Variants in SGSM1 observed in about 807,000 individuals in gnomAD.
SGSM1 encodes small G protein signaling modulator 1.
SGSM1 carries 73 observed loss-of-function variants against 133.8 expected under a neutral mutation model. The observed-to-expected ratio is 0.55, with a 90% CI of 0.45 to 0.66. The LOEUF (loss-of-function observed/expected upper bound fraction) is 0.66, where lower values mean the gene tolerates loss of function less well. Among genes scored for constraint, SGSM1 ranks in the 30% least tolerant of loss-of-function variants. The pLI is 0.00. For synonymous variants in SGSM1, 563 were observed against 573.0 expected, an observed-to-expected ratio of 0.98 and a Z score of 0.25; for missense variants, 1,213 against 1,448.1, an observed-to-expected ratio of 0.84 and a Z score of 2.64.
intron 9 of SGSM1, among the ~76,000 whole-genome samples, chr22:24,863,100 T>C (rs957152119): frequency 7.9e-5 from 12 of 152,166 alleles, no homozygotes; most frequent in African/African-American, 2.7e-4. Flanking sequence ...CGGGGACCCG[T>C]GTTTCTGCAT....
chr22:24,887,610 T>C (rs2123680745), intron 16 of SGSM1, among the ~76,000 whole-genome samples: 1 of 152,330 alleles, frequency 6.6e-6, no homozygotes, highest in African/African-American at 2.4e-5. Flanking sequence ...AAGAATGTAA[T>C]TGCTGGGTCA....
chr22:24,806,460 G>A lies in SGSM1; in HGVS notation c.39G>A (p.Arg13=). ...SAPAEAETRQ[R]LLRTVKKEVK... ...CCACAGAGGCGGAGACCCGACAGAG[G>A]CTGCTACGCACCGTCAAGAAGGAGG... Residue 13 remains arginine, a synonymous_variant, in exon 2 of 25, where the codon AGG becomes AGA. Transcript: ENST00000400358. The A allele has an allele frequency of 6.6e-7, 1 of 1,524,236 alleles. No individual in the cohort carries two copies. Among genetic ancestry groups the A allele is most frequent in the Non-Finnish European group, 8.8e-7 (1 of 1,135,762 alleles). The allele number at this position is 1,524,236 out of a possible 1,614,324, so 94.4% of individuals were successfully genotyped here. A position where few individuals can be genotyped will look rare whatever the true frequency, so the allele number is the denominator to read the frequency against.
chr22:24,821,773 T>C (rs9612777), intron 2 of SGSM1, among the ~76,000 whole-genome samples: 45,340 of 152,040 alleles, frequency 0.3, 7,207 homozygotes, highest in Admixed American at 0.46. Context: ...TAAAGTCTTA[T>C]TGGAGCAGTT....
At chr22:24,896,308 G>C (rs867311587) in intron 18 of SGSM1, among the ~76,000 whole-genome samples, 3 of 152,102 alleles carry the variant, frequency 2.0e-5, no homozygotes, top group South Asian at 2.1e-4. Context: ...CTGAAGCTAG[G>C]TAAACTTTTT....
chr22:24,852,232 C>T (rs1930523737), intron 5 of SGSM1, among the ~76,000 whole-genome samples: 2 of 152,164 alleles, frequency 1.3e-5, no homozygotes, highest in African/African-American at 2.4e-5. Flanking sequence ...TATTAACTAA[C>T]TGCAAAACTT....
intron 5 of SGSM1, among the ~76,000 whole-genome samples, chr22:24,853,086 T>C (rs555782126): frequency 3.2e-4 from 49 of 152,340 alleles, no homozygotes; most frequent in Middle Eastern, 3.4e-3. Context: ...TCCAGGCATT[T>C]GAGTTCTATA....
At chr22:24,915,054 C>T (rs914873208) in intron 22 of SGSM1, among the ~76,000 whole-genome samples, 1 of 152,050 alleles carries the variant, frequency 6.6e-6, no homozygotes, top group South Asian at 2.1e-4. Flanking sequence ...CGGTGAAACC[C>T]CGTCTCTACT....
chr22:24,838,253 C>T (rs4822551), intron 2 of SGSM1, among the ~76,000 whole-genome samples: 34,491 of 152,150 alleles, frequency 0.23, 4,022 homozygotes, highest in African/African-American at 0.29. Context: ...CACAGAAAGC[C>T]GATCACTGAG....
At chr22:24,857,299 T>C (rs1930855093) in intron 8 of SGSM1, among the ~76,000 whole-genome samples, 2 of 149,166 alleles carry the variant, frequency 1.3e-5, no homozygotes, top group Non-Finnish European at 1.5e-5. Flanking sequence ...TAGTCCCAAC[T>C]ACTCGGGAGG....
rs368461788 is a variant in SGSM1, at chr22:24,893,493, G to A, written c.1833G>A (p.Ala611=). ...QTMAEWLGCE[A]IVRQRERESH... ...TGGCTGAGTGGCTGGGCTGCGAGGCGATCGTGCGGCAGAGGGAGCGGGAGT... is the reference window on the plus strand; with the variant it reads ...TGGCTGAGTGGCTGGGCTGCGAGGCAATCGTGCGGCAGAGGGAGCGGGAGT... Residue 611 remains alanine, a synonymous_variant, in exon 17 of 25, where the codon GCG becomes GCA. Coordinates refer to ENST00000400358, the MANE Select transcript of SGSM1 (RefSeq NM_001098497.3). 2.9e-5 allele frequency: 46 copies of A among 1,613,658 alleles called. No individual in the cohort carries two copies. The highest frequency in any genetic ancestry group is 1.5e-4 in the African/African-American group (11 of 74,904).
At chr22:24,869,411 T>G (rs892728162) in intron 12 of SGSM1, among the ~76,000 whole-genome samples, 2 of 151,950 alleles carry the variant, frequency 1.3e-5, no homozygotes, top group African/African-American at 4.8e-5. Context: ...TCCCAGCTAT[T>G]TGGGAGGCTG....
At chr22:24,902,229 G>A (rs1763934230) in intron 20 of SGSM1, among the ~76,000 whole-genome samples, 1 of 152,198 alleles carries the variant, frequency 6.6e-6, no homozygotes, top group African/African-American at 2.4e-5. Flanking sequence ...TATAGGTGAC[G>A]ATGTGGAGGC....
chr22:24,816,996 C>T (rs1928129969), intron 2 of SGSM1, among the ~76,000 whole-genome samples: 1 of 152,140 alleles, frequency 6.6e-6, no homozygotes, highest in South Asian at 2.1e-4. Flanking sequence ...TGGATTGCTC[C>T]ACTTGGTCAT....
intron 9 of SGSM1, among the ~76,000 whole-genome samples, chr22:24,860,701 G>A (rs1403699076): frequency 6.6e-6 from 1 of 150,898 alleles, no homozygotes; most frequent in Non-Finnish European, 1.5e-5. Context: ...AGGAGTTCAA[G>A]ACCAGCCTGG....
chr22:24,837,909 A>C (rs1396609375), intron 2 of SGSM1, among the ~76,000 whole-genome samples: 3 of 152,248 alleles, frequency 2.0e-5, no homozygotes, highest in Non-Finnish European at 4.4e-5. Context: ...ATATAATCAT[A>C]TCTAAGATCT....
At chr22:24,829,770 A>G (rs894473847) in intron 2 of SGSM1, among the ~76,000 whole-genome samples, 4 of 152,182 alleles carry the variant, frequency 2.6e-5, no homozygotes, top group Admixed American at 6.5e-5. Flanking sequence ...TGTTGTGGTT[A>G]TACACAGTTC....
At chr22:24,916,292 G>A (rs1409101614) in intron 22 of SGSM1, among the ~76,000 whole-genome samples, 1 of 152,096 alleles carries the variant, frequency 6.6e-6, no homozygotes, top group Non-Finnish European at 1.5e-5. Context: ...AACATTTCAT[G>A]TAAATGGAAT....
chr22:24,845,941 T>TTTTCTTTTCTTTTC (rs1491325876), intron 3 of SGSM1, among the ~76,000 whole-genome samples: 147 of 115,702 alleles, frequency 1.3e-3, no homozygotes, highest in South Asian at 2.4e-3. Flanking sequence ...TTTTCTTTTC[T>TTTTCTTTTCTTTTC]TTTCTTTCTT....
intron 12 of SGSM1, among the ~76,000 whole-genome samples, chr22:24,870,554 G>T (rs955264630): frequency 1.3e-5 from 2 of 152,222 alleles, no homozygotes; most frequent in African/African-American, 2.4e-5. Context: ...ATGAAGGCCA[G>T]TGGAACAGTG....
Sources: gnomAD v4.1 joint callset for allele counts (sites outside exome capture counted in the v4.1 genomes callset) on GRCh38, gnomAD v4.1.1 for gene constraint, MANE v1.5 for transcripts, NCBI Gene and HGNC (gene_info 2026-07-23, HGNC 2026-07-21) for gene names.